ANGPT1: variants seen among roughly 807,000 people sequenced by gnomAD.
ANGPT1 encodes the protein angiopoietin 1.
ANGPT1 carries 17 observed loss-of-function variants against 62.2 expected under a neutral mutation model. That is an observed-to-expected ratio of 0.27 (90% confidence interval 0.19 to 0.41). The LOEUF is 0.41. ANGPT1 is among the 10% of genes least tolerant of loss of function. The pLI, the probability that ANGPT1 is intolerant of heterozygous loss-of-function variation, is 1.00. For synonymous variants in ANGPT1, 199 were observed against 198.9 expected, an observed-to-expected ratio of 1.00 and a Z score of 0.00; for missense variants, 478 against 594.9, an observed-to-expected ratio of 0.80 and a Z score of 2.04.
intron 8 of ANGPT1, among the ~76,000 whole-genome samples, chr8:107,256,845 T>C (rs948149519): frequency 1.4e-5 from 2 of 142,680 alleles, no homozygotes; most frequent in African/African-American, 5.2e-5. Flanking sequence ...TTTTGTTCTG[T>C]TTTTTTTTTT....
intron 2 of ANGPT1, among the ~76,000 whole-genome samples, chr8:107,339,019 T>A (rs1364600758): frequency 6.6e-6 from 1 of 152,234 alleles, no homozygotes; most frequent in Non-Finnish European, 1.5e-5. Flanking sequence ...TCACAGTTCC[T>A]GACATTCTCA....
At chr8:107,447,103 T>A (rs1287479589) in intron 1 of ANGPT1, among the ~76,000 whole-genome samples, 3 of 152,170 alleles carry the variant, frequency 2.0e-5, no homozygotes, top group African/African-American at 7.2e-5. Context: ...CACTTCTATT[T>A]CTACTGCGAC....
At position 107,251,893 on chromosome 8, in the gene ANGPT1, G is replaced by T; in HGVS notation, c.1459C>A (p.Arg487Ser). ...HYFKGPSYSLRSTTMMIRPLD... is the reference protein window; with the variant it reads ...HYFKGPSYSLSSTTMMIRPLD... ...GGTCGAATCATCATAGTTGTGGAAC[G>T]TAAGGAGTAACTGGGCCCTTTGAAG... The change falls in exon 9 of 9, where the codon CGT (arginine) becomes AGT (serine). Residue 487 changes from arginine to serine, a missense_variant. Transcript: ENST00000517746. 3.1e-6 allele frequency: 5 copies of T among 1,613,934 alleles called. No homozygotes were observed. The highest frequency in any genetic ancestry group is 4.2e-6 in the Non-Finnish European group (5 of 1,179,878).
At chr8:107,379,533 T>C (rs1816594597) in intron 1 of ANGPT1, among the ~76,000 whole-genome samples, 1 of 139,036 alleles carries the variant, frequency 7.2e-6, no homozygotes, top group Non-Finnish European at 1.6e-5. Flanking sequence ...ATGAAGAAAC[T>C]GAGTCTCAGA....
chr8:107,468,794 CAT>C (rs1156250668), intron 1 of ANGPT1, among the ~76,000 whole-genome samples: 1 of 152,046 alleles, frequency 6.6e-6, no homozygotes, highest in Non-Finnish European at 1.5e-5. Context: ...GATCAAATCA[CAT>C]AGAGTTCACA....
chr8:107,396,819 G>A (rs547531744), intron 1 of ANGPT1, among the ~76,000 whole-genome samples: 6 of 151,988 alleles, frequency 3.9e-5, no homozygotes, highest in African/African-American at 7.2e-5. Flanking sequence ...CACTGCACCC[G>A]GCCCTTCTTT....
chr8:107,277,524 T>C (rs1245839044), intron 7 of ANGPT1, among the ~76,000 whole-genome samples: 1 of 152,294 alleles, frequency 6.6e-6, no homozygotes, highest in East Asian at 1.9e-4. Flanking sequence ...CATTTCAAAA[T>C]AGATCAGCTT....
At chr8:107,311,176 T>C (rs1005493929) in intron 4 of ANGPT1, among the ~76,000 whole-genome samples, 1 of 148,872 alleles carries the variant, frequency 6.7e-6, no homozygotes, top group Non-Finnish European at 1.5e-5. Flanking sequence ...TGTATGTGTG[T>C]GAGGAAAAGA....
At chr8:107,473,237 T>A (rs1038472906) in intron 1 of ANGPT1, among the ~76,000 whole-genome samples, 1 of 152,118 alleles carries the variant, frequency 6.6e-6, no homozygotes, top group African/African-American at 2.4e-5. Context: ...CAGGTTTCTA[T>A]TCAAACATTT....
intron 1 of ANGPT1, among the ~76,000 whole-genome samples, chr8:107,393,741 C>T (rs550807516): frequency 2.6e-5 from 4 of 152,220 alleles, no homozygotes; most frequent in Admixed American, 6.5e-5. Flanking sequence ...ACCTGGGAGA[C>T]GGTGTTTGCA....
chr8:107,497,289 C>A lies in ANGPT1; in HGVS notation c.270G>T (p.Met90Ile), dbSNP rs748558636. ...TTTGCAGCCACTGAGTATAATTTTC[C>A]ATCACATGTTCCAGATGTTGAAGTT... ...SQKLQHLEHVMENYTQWLQKL... is the reference protein window; with the variant it reads ...SQKLQHLEHVIENYTQWLQKL... The change falls in exon 1 of 9, where the codon ATG becomes ATT. Residue 90 changes from methionine (M) to isoleucine (I), a missense_variant. By Grantham distance (10) the Met-to-Ile change is conservative (BLOSUM62 1). Around this residue, in one of 4 missense-constraint regions of ANGPT1, gnomAD observed 343 missense variants for 355.4 expected, o/e 0.97. Coordinates refer to ENST00000517746, the MANE Select transcript of ANGPT1 (RefSeq NM_001146.5). 4 of 1,614,024 alleles carry A rather than the reference C, an allele frequency of 2.5e-6. No homozygotes were observed. Among genetic ancestry groups the A allele is most frequent in the Non-Finnish European group, 3.4e-6 (4 of 1,180,010 alleles).
intron 1 of ANGPT1, among the ~76,000 whole-genome samples, chr8:107,437,076 C>T (rs1477806329): frequency 6.6e-6 from 1 of 152,104 alleles, no homozygotes; most frequent in Non-Finnish European, 1.5e-5. Context: ...GGGTCAGAAA[C>T]TGAGGGACAG....
At chr8:107,277,991 T>C (rs955169800) in intron 7 of ANGPT1, among the ~76,000 whole-genome samples, 2 of 152,104 alleles carry the variant, frequency 1.3e-5, no homozygotes, top group Non-Finnish European at 2.9e-5. Context: ...ATAGAATATA[T>C]AATTAAAAAT....
At chr8:107,459,380 T>C (rs753942812) in intron 1 of ANGPT1, among the ~76,000 whole-genome samples, 2 of 152,096 alleles carry the variant, frequency 1.3e-5, no homozygotes, top group African/African-American at 2.4e-5. Flanking sequence ...TGAAACCCTG[T>C]GTCTACTAAG....
At chr8:107,395,854 T>C (rs1427135813) in intron 1 of ANGPT1, among the ~76,000 whole-genome samples, 1 of 152,174 alleles carries the variant, frequency 6.6e-6, no homozygotes, top group Non-Finnish European at 1.5e-5. Context: ...TTCTTCATCA[T>C]TGAATGCCCA....
At chr8:107,299,889 C>T (rs1203117687) in intron 5 of ANGPT1, among the ~76,000 whole-genome samples, 1 of 115,406 alleles carries the variant, frequency 8.7e-6, no homozygotes, top group East Asian at 2.5e-4. Context: ...TACTATATAT[C>T]TAGATATGTA....
intron 1 of ANGPT1, among the ~76,000 whole-genome samples, chr8:107,371,128 G>A (rs974363912): frequency 2.0e-5 from 3 of 152,138 alleles, no homozygotes; most frequent in African/African-American, 7.2e-5. Flanking sequence ...ATCTCAATAG[G>A]GTTTTTATGT....
intron 1 of ANGPT1, among the ~76,000 whole-genome samples, chr8:107,454,814 T>C (rs1811873596): frequency 6.6e-6 from 1 of 152,010 alleles, no homozygotes; most frequent in Non-Finnish European, 1.5e-5. Flanking sequence ...ATATACCTAC[T>C]CCAGTGTTAA....
chr8:107,482,033 C>CA (rs1224230411), intron 1 of ANGPT1, among the ~76,000 whole-genome samples: 11 of 152,134 alleles, frequency 7.2e-5, no homozygotes, highest in African/African-American at 2.7e-4. Context: ...ATTAAATTCC[C>CA]GGACCTTCAG....
Sources: allele counts gnomAD v4.1 joint callset (sites outside exome capture counted in the v4.1 genomes callset), GRCh38; gene constraint gnomAD v4.1.1; regional missense constraint gnomAD v4.1.1; transcripts MANE v1.5; gene names NCBI Gene and HGNC (gene_info 2026-07-23, HGNC 2026-07-21).